Variants in HMCN2 observed in about 807,000 individuals in gnomAD.
HMCN2 encodes the protein hemicentin-2.
A neutral mutation model predicts 377.5 loss-of-function variants in HMCN2; 325 were observed. That is an observed-to-expected ratio of 0.86 (90% CI 0.79 to 0.94). The LOEUF (loss-of-function observed/expected upper bound fraction) is 0.94, where lower values mean the gene tolerates loss of function less well. Among genes scored for constraint, HMCN2 ranks in the 40% least tolerant of loss-of-function variants. The pLI, the probability that HMCN2 is intolerant of heterozygous loss-of-function variation, is 0.00. For synonymous variants in HMCN2, 2,007 were observed against 2,046.8 expected (o/e 0.98, Z 0.53); for missense variants, 4,543 against 4,725.3 (o/e 0.96, Z 1.13).
intron 41 of HMCN2, 70 bp from the exon 42 acceptor site, chr9:130,365,561 C>A: frequency 1.3e-6 from 1 of 770,644 alleles, no homozygotes; most frequent in Non-Finnish European, 1.6e-6. Flanking sequence ...TGTCTGCAGT[C>A]ACACAGTCTG....
chr9:130,312,539 C>CCTTTCTTTCTTT (rs1187968109), intron 15 of HMCN2, among the ~76,000 whole-genome samples: 31 of 6,620 alleles, frequency 4.7e-3, no homozygotes, highest in South Asian at 0.011. Context: ...CTCCCTCCCT[C>CCTTTCTTTCTTT]CTTTCTTTCT....
At chr9:130,324,168 C>T (rs1838000418) in intron 19 of HMCN2, among the ~76,000 whole-genome samples, 1 of 152,200 alleles carries the variant, frequency 6.6e-6, no homozygotes, top group African/African-American at 2.4e-5. Context: ...TAAACATTAG[C>T]TCCCCATTCC....
chr9:130,266,246 G>T, intron 1 of HMCN2, 109 bp downstream of exon 1: 1 of 357,708 alleles, frequency 2.8e-6, no homozygotes, highest in South Asian at 2.1e-5. Flanking sequence ...GCTGCGCCGC[G>T]GCTTGGCGGG....
Position 130,369,205 on chromosome 9 carries a change from C to T in HMCN2, c.6788-365C>T, listed in dbSNP as rs1183635094. On this transcript the variant is annotated intron_variant, in intron 44 of 97. Coordinates refer to ENST00000683500, the MANE Select transcript of HMCN2 (RefSeq NM_001291815.2). This position sits in a 1 kb window ranked among gnomAD's most constrained non-coding sequence, Gnocchi z 4.5. ...GTAAAAATCCTGCTAGAAAATAAAA[C>T]CAGGAACAGTGCTGTTCAACATCTT... Among the ~76,000 whole-genome samples the T allele has an allele frequency of 1.3e-5, 2 of 152,162 alleles. No individual in the cohort carries two copies. Among genetic ancestry groups the T allele is most frequent in the Non-Finnish European group, 2.9e-5 (2 of 68,030 alleles).
chr9:130,341,830 G>T lies in HMCN2; in HGVS notation c.3742+465G>T, dbSNP rs1036523830. The stretch of plus-strand genomic sequence containing the variant: ...TGAGAGAGTGTGTGAAGCACCTGGC[G>T]CATAGAAAGTTCTGGATCAGTGGTG... On this transcript the variant is annotated intron_variant, in intron 24 of 97. Transcript: ENST00000683500. Among the ~76,000 whole-genome samples, 74 of 152,056 alleles carry T rather than the reference G, an allele frequency of 4.9e-4. 1 individual carries two copies. In the South Asian group the frequency reaches 0.015, roughly 31 times the overall value.
chr9:130,307,401 C>T (rs1836933382), intron 13 of HMCN2, 52 bp from the exon 14 acceptor site: 1 of 469,202 alleles, frequency 2.1e-6, no homozygotes, highest in South Asian at 1.6e-5. Context: ...GGAAGACTTT[C>T]TTTATGACCT....
chr9:130,351,702 C>A lies in HMCN2; in HGVS notation c.4585+125C>A. 6.7e-4 allele frequency: 392 copies of A among 584,516 alleles called. No homozygotes were observed. Among genetic ancestry groups the A allele is most frequent in the Non-Finnish European group, 9.0e-4 (359 of 398,062 alleles). 36.2% of individuals were successfully genotyped at this position (584,516 alleles called of 1,614,324 possible). ...GGACCTGGTGAGTGATCCCTGAGTC[C>A]AAGAAAGCTGGGGGCTGGGGTCGGG... On this transcript the variant is annotated intron_variant, in intron 30 of 97. Transcript: ENST00000683500. The surrounding 1 kb of genome is among the most constrained non-coding windows in gnomAD (Gnocchi z 5.4).
At position 130,286,264 on chromosome 9, in the gene HMCN2, C is replaced by T. The variant is rs1554927663; in HGVS notation, c.566C>T (p.Thr189Ile). ...CTGGCTTATGAGGAGATCGCTGCCA[C>T]CAGCTCTGGGCAGGTGTTCCACCTG... Reference protein sequence around the residue: ...GYLAYEEIAATSSGQVFHLDK... With the variant: ...GYLAYEEIAAISSGQVFHLDK... The change falls in exon 4 of 98, where the codon ACC becomes ATC. Residue 189 changes from threonine (T) to isoleucine (I), a missense_variant. Transcript: ENST00000683500. 1 of 471,012 alleles carries T rather than the reference C, an allele frequency of 2.1e-6. No homozygotes were observed. Among genetic ancestry groups the T allele is most frequent in the Non-Finnish European group, 4.4e-6 (1 of 227,068 alleles). 29.2% of individuals were successfully genotyped at this position (471,012 alleles called of 1,614,324 possible). A position where few individuals can be genotyped will look rare whatever the true frequency, so the allele number is the denominator to read the frequency against.
At position 130,433,587 on chromosome 9, in the gene HMCN2, G is replaced by A; in HGVS notation, c.15134G>A (p.Arg5045His). The change falls in exon 98 of 98, where the codon CGC becomes CAC. Residue 5045 changes from arginine (R) to histidine (H), a missense_variant. Around this residue, in one of 5 missense-constraint regions of HMCN2, gnomAD observed 1,155 missense variants for 1,157.7 expected, o/e 1.00. Transcript: ENST00000683500. ...RAGLGAVYTR[R>H]ALTRAGLYRL... ...GGCCTTGGCGCGGTCTACACCCGTCGCGCGCTCACCCGCGCCGGCCTCTAC... is the reference window on the plus strand; with the variant it reads ...GGCCTTGGCGCGGTCTACACCCGTCACGCGCTCACCCGCGCCGGCCTCTAC... 1 of 1,508,726 alleles carries A rather than the reference G, an allele frequency of 6.6e-7. No individual in the cohort carries two copies. The highest frequency in any genetic ancestry group is 1.3e-5 in the South Asian group (1 of 79,552). The allele number at this position is 1,508,726 out of a possible 1,614,324, so 93.5% of individuals were successfully genotyped here. A position where few individuals can be genotyped will look rare whatever the true frequency, so the allele number is the denominator to read the frequency against.
At chr9:130,313,774 C>CTTTTT (rs1215426849) in intron 15 of HMCN2, among the ~76,000 whole-genome samples, 17 of 81,558 alleles carry the variant, frequency 2.1e-4, no homozygotes, top group East Asian at 4.0e-4. Flanking sequence ...TGTGTGTCCT[C>CTTTTT]TTTTTTTTTT....
chr9:130,272,927 T>C (rs543019987), intron 1 of HMCN2, among the ~76,000 whole-genome samples: 37 of 152,364 alleles, frequency 2.4e-4, no homozygotes, highest in African/African-American at 8.7e-4. Context: ...TTAGATGACA[T>C]GTAGAAAAAC....
chr9:130,416,704 C>G (rs574430338), intron 85 of HMCN2, among the ~76,000 whole-genome samples: 1 of 152,134 alleles, frequency 6.6e-6, no homozygotes, highest in Non-Finnish European at 1.5e-5. Context: ...CGCTAGGTCT[C>G]ACAGTACACA....
chr9:130,332,296 A>G (rs1033673419), intron 22 of HMCN2, among the ~76,000 whole-genome samples: 4 of 152,286 alleles, frequency 2.6e-5, no homozygotes, highest in Non-Finnish European at 5.9e-5. Flanking sequence ...CATGGCGGTT[A>G]GGAAGGAGCA....
intron 15 of HMCN2, among the ~76,000 whole-genome samples, chr9:130,313,107 A>G (rs993785252): frequency 1.4e-5 from 2 of 145,830 alleles, no homozygotes; most frequent in Non-Finnish European, 3.1e-5. Context: ...AGGTCAGGGA[A>G]GGGATGGACA....
At chr9:130,399,460 C>T in intron 75 of HMCN2, 51 bp from the exon 76 acceptor site, 1 of 1,226,222 alleles carries the variant, frequency 8.2e-7, no homozygotes, top group East Asian at 5.9e-5. Context: ...AAAGCCACAG[C>T]TGGTCTCTGT....
rs140949717 is a variant in HMCN2 at position 130,295,619 on chromosome 9, C to G, written c.785-47C>G. 1.8e-3 allele frequency: 812 copies of G among 451,344 alleles called. 1 individual carries two copies. Among genetic ancestry groups the G allele is most frequent in the Non-Finnish European group, 2.9e-3 (636 of 218,374 alleles). 28.0% of individuals were successfully genotyped at this position (451,344 alleles called of 1,614,324 possible). ...CTGGAGACATGCGGGGCTCCTGCCA[C>G]CCCCAGCAAAGGGTTAGGGACTGAG... is the stretch of plus-strand genomic sequence containing the variant. On this transcript the variant is annotated intron_variant, in intron 5 of 97. Transcript: ENST00000683500.
chr9:130,385,268 C>A (rs1841960737), intron 59 of HMCN2, among the ~76,000 whole-genome samples: 1 of 152,072 alleles, frequency 6.6e-6, no homozygotes, highest in South Asian at 2.1e-4. Flanking sequence ...AGAGCTGTAA[C>A]CCAGCTGGGG....
intron 22 of HMCN2, among the ~76,000 whole-genome samples, chr9:130,331,212 C>A (rs1838411501): frequency 6.6e-6 from 1 of 151,784 alleles, no homozygotes; most frequent in African/African-American, 2.4e-5. Context: ...CCCATCATCG[C>A]TAAGTCATTG....
At position 130,422,652 on chromosome 9, in the gene HMCN2, C is replaced by T. The variant is rs1844085782; in HGVS notation, c.13307C>T (p.Thr4436Ile). ...AAATTTGGCGTGGCCACACTCAACA[C>T]CAGCGTGATGCAGGAGGCACACTCC... ...GRKFGVATLN[T>I]SVMQEAHSGV... Residue 4436 changes from threonine (T) to isoleucine (I), a missense_variant, in exon 87 of 98, where the codon ACC (threonine) becomes ATC (isoleucine). Physicochemically the swap from Thr to Ile is moderately conservative, Grantham distance 89. Coordinates refer to ENST00000683500, the MANE Select transcript of HMCN2 (RefSeq NM_001291815.2). The surrounding 1 kb of genome is among the most constrained non-coding windows in gnomAD (Gnocchi z 4.2). 7.5e-7 allele frequency: 1 copy of T among 1,325,686 alleles called. No individual in the cohort carries two copies. Among genetic ancestry groups the T allele is most frequent in the Non-Finnish European group, 9.7e-7 (1 of 1,030,634 alleles). The allele number at this position is 1,325,686 out of a possible 1,614,324, so 82.1% of individuals were successfully genotyped here.
Sources: gnomAD v4.1 joint callset for allele counts (sites outside exome capture counted in the v4.1 genomes callset) on GRCh38, gnomAD v4.1.1 for gene constraint, gnomAD v4.1.1 regional missense constraint, Gnocchi (gnomAD v3.1) non-coding constraint, MANE v1.5 for transcripts, NCBI Gene and HGNC (gene_info 2026-07-23, HGNC 2026-07-21) for gene names.